TTLL5: variants seen among roughly 807,000 people sequenced by gnomAD.
TTLL5 encodes tubulin tyrosine ligase like 5, also known as tubulin polyglutamylase TTLL5.
In TTLL5, 132 loss-of-function variants were observed where a neutral mutation model predicts 168.4. The ratio of observed to expected loss-of-function variants is 0.78; its 90% CI spans 0.68 to 0.91. The LOEUF (loss-of-function observed/expected upper bound fraction) is 0.91, where lower values mean the gene tolerates loss of function less well. Ranked by LOEUF, TTLL5 falls within the 40% of genes least tolerant of loss-of-function variation. TTLL5 has a pLI of 0.00. For missense variants in TTLL5, 1,545 were observed against 1,581.5 expected (o/e 0.98, Z 0.39); for synonymous variants, 546 against 558.6 (o/e 0.98, Z 0.32).
chr14:75,746,484 C>G (rs1384756327), intron 17 of TTLL5, among the ~76,000 whole-genome samples: 2 of 151,168 alleles, frequency 1.3e-5, no homozygotes, highest in East Asian at 3.9e-4. Context: ...CTTTGTTCTT[C>G]TATGCATAAT....
intron 30 of TTLL5, among the ~76,000 whole-genome samples, chr14:75,898,048 G>A (rs996792868): frequency 6.6e-6 from 1 of 152,126 alleles, no homozygotes; most frequent in Non-Finnish European, 1.5e-5. Context: ...TCACTGTCAA[G>A]CTCTTGATAC....
At chr14:75,729,427 G>C (rs1888392668) in intron 12 of TTLL5, among the ~76,000 whole-genome samples, 1 of 150,264 alleles carries the variant, frequency 6.7e-6, no homozygotes, top group South Asian at 2.1e-4. Context: ...AATGCCCATA[G>C]AAAATACCAA....
At chr14:75,864,895 T>A (rs2030378647) in intron 29 of TTLL5, among the ~76,000 whole-genome samples, 1 of 152,174 alleles carries the variant, frequency 6.6e-6, no homozygotes, top group Non-Finnish European at 1.5e-5. Context: ...GTAAAACAAT[T>A]ATTATTATAG....
chr14:75,854,356 C>G (rs971622597), intron 28 of TTLL5, among the ~76,000 whole-genome samples: 2 of 152,142 alleles, frequency 1.3e-5, no homozygotes, highest in Non-Finnish European at 2.9e-5. Flanking sequence ...CTTATATTAG[C>G]AGTTCATTCG....
intron 30 of TTLL5, among the ~76,000 whole-genome samples, chr14:75,898,384 A>G (rs1554954): frequency 0.71 from 108,654 of 152,132 alleles, 39,223 homozygotes; most frequent in Admixed American, 0.79. Context: ...GCTTATATCT[A>G]TAGTCCCCGC....
At chr14:75,842,791 T>A (rs1291114552) in intron 28 of TTLL5, among the ~76,000 whole-genome samples, 1 of 152,286 alleles carries the variant, frequency 6.6e-6, no homozygotes, top group East Asian at 1.9e-4. Flanking sequence ...TGCAGTATTC[T>A]CACACTCTTC....
chr14:75,743,501 A>C (rs1594956363), intron 15 of TTLL5, among the ~76,000 whole-genome samples: 1 of 150,196 alleles, frequency 6.7e-6, no homozygotes, highest in African/African-American at 2.5e-5. Context: ...GTATGCTCAC[A>C]TGACCTCTTC....
At chr14:75,951,666 G>GT (rs1395167571) in intron 31 of TTLL5, among the ~76,000 whole-genome samples, 1 of 152,162 alleles carries the variant, frequency 6.6e-6, no homozygotes, top group Non-Finnish European at 1.5e-5. Context: ...GGAGGCTGAG[G>GT]TGGGAGGATT....
chr14:75,696,035 C>A (rs1885833903), intron 6 of TTLL5, among the ~76,000 whole-genome samples: 1 of 151,554 alleles, frequency 6.6e-6, no homozygotes, highest in African/African-American at 2.4e-5. Flanking sequence ...AGGACTACAG[C>A]CACACACCAC....
At chr14:75,823,991 C>T (rs549134104) in intron 28 of TTLL5, among the ~76,000 whole-genome samples, 1 of 152,310 alleles carries the variant, frequency 6.6e-6, no homozygotes, top group African/African-American at 2.4e-5. Flanking sequence ...ACTTTCCTCC[C>T]TTCTTTTAGA....
At chr14:75,928,509 C>G (rs560582221) in intron 31 of TTLL5, among the ~76,000 whole-genome samples, 1 of 151,650 alleles carries the variant, frequency 6.6e-6, no homozygotes, top group South Asian at 2.1e-4. Context: ...CCTATATGTA[C>G]TCTTTTCAGA....
In TTLL5 at chr14:75,719,663, A is replaced by G. The variant is rs546036393; in HGVS notation, c.843-72A>G. On this transcript the variant is annotated intron_variant, in intron 10 of 31. Transcript: ENST00000298832. ...AACTTTTTAAAAAGACAAGAAGGCT[A>G]TTTGCAAAGAGTCTTGTTATTATAG... The G allele has an allele frequency of 7.0e-6, 9 of 1,280,716 alleles. No homozygotes were observed. In the Admixed American group the frequency reaches 1.8e-4, roughly 26 times the overall value. 79.3% of individuals were successfully genotyped at this position (1,280,716 alleles called of 1,614,324 possible). A position where few individuals can be genotyped will look rare whatever the true frequency, so the allele number is the denominator to read the frequency against.
intron 29 of TTLL5, among the ~76,000 whole-genome samples, chr14:75,877,388 T>A (rs2031552441): frequency 6.6e-6 from 1 of 152,228 alleles, no homozygotes; most frequent in Admixed American, 6.5e-5. Flanking sequence ...GTCTGTGTTC[T>A]GTCTATCAGA....
At chr14:75,706,954 C>G in intron 7 of TTLL5, 64 bp from the exon 8 acceptor site, 2 of 1,374,178 alleles carry the variant, frequency 1.5e-6, no homozygotes, top group Admixed American at 1.7e-5. Flanking sequence ...GAACTTTGCT[C>G]CCTTATTGTA....
rs74897574 is a variant in TTLL5, at chr14:75,872,288, G to A, written c.3522+8426G>A. Among the ~76,000 whole-genome samples the A allele has an allele frequency of 9.3e-3, 1,415 of 152,134 alleles. 27 individuals carry two copies. The highest frequency in any genetic ancestry group is 0.032 in the African/African-American group (1,348 of 41,478). ...ATGAAATTTGTCTTTATATACATCT[G>A]GTGGAAACTGGACACATTTCTACGT... On this transcript the variant is annotated intron_variant, in intron 29 of 31. Transcript: ENST00000298832.
At chr14:75,911,375 G>A (rs2033380331) in intron 31 of TTLL5, among the ~76,000 whole-genome samples, 3 of 152,166 alleles carry the variant, frequency 2.0e-5, no homozygotes, top group Non-Finnish European at 4.4e-5. Flanking sequence ...TAGCTTGAAT[G>A]TGTGGACTTG....
At chr14:75,743,258 G>A (rs575627611) in intron 15 of TTLL5, among the ~76,000 whole-genome samples, 1 of 152,184 alleles carries the variant, frequency 6.6e-6, no homozygotes, top group South Asian at 2.1e-4. Context: ...TAGCTTTGGA[G>A]ATTGGTTAGT....
At chr14:75,820,484 C>G (rs1894761984) in intron 28 of TTLL5, 1 of 203,804 alleles carries the variant, frequency 4.9e-6, no homozygotes, top group African/African-American at 2.3e-5. Flanking sequence ...GTCCTTGTCT[C>G]TTAGTTTTTT....
intron 21 of TTLL5, among the ~76,000 whole-genome samples, chr14:75,772,784 T>C (rs1445637473): frequency 4.6e-5 from 7 of 151,822 alleles, no homozygotes; most frequent in African/African-American, 1.7e-4. Flanking sequence ...TCTCCTGCCT[T>C]AGCCTCCCAA....
Sources: allele counts gnomAD v4.1 joint callset (sites outside exome capture counted in the v4.1 genomes callset), GRCh38; gene constraint gnomAD v4.1.1; transcripts MANE v1.5; gene names NCBI Gene and HGNC (gene_info 2026-07-23, HGNC 2026-07-21).